Variants in PTPN5 observed in about 807,000 individuals in gnomAD.
PTPN5 encodes the protein protein tyrosine phosphatase non-receptor type 5, also known as tyrosine-protein phosphatase non-receptor type 5.
Under a neutral mutation model 73.9 loss-of-function variants are expected in PTPN5, and 29 were observed. That is an observed-to-expected ratio of 0.39 (90% CI 0.29 to 0.54). PTPN5 has a LOEUF of 0.54. Ranked by LOEUF, PTPN5 falls within the 20% of genes least tolerant of loss-of-function variation. The pLI, the probability that PTPN5 is intolerant of heterozygous loss-of-function variation, is 0.65. For synonymous variants in PTPN5, 267 were observed against 304.7 expected (o/e 0.88, Z 1.29); for missense variants, 652 against 751.4 (o/e 0.87, Z 1.55).
chr11:18,777,710 CCAAGG>C (rs1388986781), intron 1 of PTPN5, among the ~76,000 whole-genome samples: 1 of 152,066 alleles, frequency 6.6e-6, no homozygotes, highest in African/African-American at 2.4e-5. Flanking sequence ...TTTTAGGAGG[CCAAGG>C]CAAGAGGATC....
Position 18,729,985 on chromosome 11 carries a change from C to T in PTPN5, c.1330-167G>A. 2.2e-6 allele frequency: 2 copies of T among 894,512 alleles called. No homozygotes were observed. Among genetic ancestry groups the T allele is most frequent in the Non-Finnish European group, 1.7e-6 (1 of 572,798 alleles). The allele number at this position is 894,512 out of a possible 1,614,324, so 55.4% of individuals were successfully genotyped here. A position where few individuals can be genotyped will look rare whatever the true frequency, so the allele number is the denominator to read the frequency against. ...CCACATTGCCCAGTGGCACCAGACA[C>T]AGACCCAAAGCCAGCTTGGTTTTGG... On this transcript the variant is annotated intron_variant, in intron 12 of 14. Transcript: ENST00000358540. The surrounding 1 kb of genome is among the most constrained non-coding windows in gnomAD (Gnocchi z 5.2).
chr11:18,765,723 G>T, intron 3 of PTPN5, 84 bp downstream of exon 3: 1 of 909,376 alleles, frequency 1.1e-6, no homozygotes, highest in Non-Finnish European at 1.8e-6. Flanking sequence ...CAGCTAGCTA[G>T]GCTTTACTCC....
chr11:18,732,738 G>A, intron 11 of PTPN5, 36 bp from the exon 12 acceptor site: 1 of 1,553,810 alleles, frequency 6.4e-7, no homozygotes, highest in Non-Finnish European at 8.9e-7. Context: ...ATACAATCCT[G>A]TTCCCTTCCC....
Position 18,733,334 on chromosome 11 carries a change from C to T in PTPN5, c.1119G>A (p.Gln373=), listed in dbSNP as rs1196688031. 1 of 1,614,132 alleles carries T rather than the reference C, an allele frequency of 6.2e-7. No individual in the cohort carries two copies. The highest frequency in any genetic ancestry group is 8.5e-7 in the Non-Finnish European group (1 of 1,180,010). ...GGEEKVYIAT[Q]GPIVSTVADF... is the part of the protein sequence containing the mutation. ...CGGCGACCGTGCTGACGATGGGTCC[C>T]TGAGTGGCGATGTACACCTTCTCCT... Residue 373 remains glutamine, a synonymous_variant, in exon 11 of 15, where the codon CAG becomes CAA. Transcript: ENST00000358540. The surrounding 1 kb of genome is among the most constrained non-coding windows in gnomAD (Gnocchi z 4.3).
chr11:18,737,532 C>G (rs78426481), intron 9 of PTPN5, among the ~76,000 whole-genome samples: 4,550 of 152,278 alleles, frequency 0.03, 232 homozygotes, highest in African/African-American at 0.1. Context: ...CCTCTCTAAG[C>G]CTTAACTTCC....
rs58611404 is a variant in PTPN5, at chr11:18,781,323, C to CTTTTTTTTTTTTTTTTT, written c.-113-9253_-113-9252insAAAAAAAAAAAAAAAAA. Among the ~76,000 whole-genome samples, 39 of 114,420 alleles carry CTTTTTTTTTTTTTTTTT rather than the reference C, an allele frequency of 3.4e-4. 2 individuals carry two copies. The highest frequency in any genetic ancestry group is 9.3e-4 in the East Asian group (3 of 3,212). The allele number at this position is 114,420 out of a possible 152,430, so 75.1% of individuals were successfully genotyped here. ...AGATCAGACTGTCTTTTTTTGACCACTTTTTTTTTTTTTTGAGATGGAGTC... is the reference window on the plus strand; with the variant it reads ...AGATCAGACTGTCTTTTTTTGACCACTTTTTTTTTTTTTTTTTTTTTTTTTTTTTTTGAGATGGAGTC... On this transcript the variant is annotated intron_variant, in intron 1 of 14. Transcript: ENST00000358540.
At chr11:18,780,801 A>T (rs1851385005) in intron 1 of PTPN5, among the ~76,000 whole-genome samples, 1 of 152,174 alleles carries the variant, frequency 6.6e-6, no homozygotes, top group Non-Finnish European at 1.5e-5. Flanking sequence ...CACGACAGAA[A>T]GCCCAGTGCA....
chr11:18,732,733 A>G, intron 11 of PTPN5, 31 bp from the exon 12 acceptor site: 1 of 1,571,502 alleles, frequency 6.4e-7, no homozygotes, highest in Non-Finnish European at 8.7e-7. Flanking sequence ...CTGCCATACA[A>G]TCCTGTTCCC....
chr11:18,786,782 T>C (rs1413791098), intron 1 of PTPN5, among the ~76,000 whole-genome samples: 2 of 152,170 alleles, frequency 1.3e-5, no homozygotes, highest in African/African-American at 4.8e-5. Context: ...CACCTGTAGA[T>C]CCATTTCAAC....
At chr11:18,735,299 G>C (rs903107265) in intron 9 of PTPN5, among the ~76,000 whole-genome samples, 1 of 152,026 alleles carries the variant, frequency 6.6e-6, no homozygotes, top group Non-Finnish European at 1.5e-5. Flanking sequence ...AGGGGGTGTA[G>C]AGGGTGGCAG....
chr11:18,750,749 A>C (rs1369211540), intron 3 of PTPN5, among the ~76,000 whole-genome samples: 1 of 151,994 alleles, frequency 6.6e-6, no homozygotes, highest in Non-Finnish European at 1.5e-5. Context: ...AATAGTCACA[A>C]CTGTGCTGCA....
rs1850927212 is a variant in PTPN5 at position 18,772,036 on chromosome 11, T to C, written c.-78A>G. 3.4e-6 allele frequency: 4 copies of C among 1,168,820 alleles called. No individual in the cohort carries two copies. Among genetic ancestry groups the C allele is most frequent in the Non-Finnish European group, 3.6e-6 (3 of 824,918 alleles). 72.4% of individuals were successfully genotyped at this position (1,168,820 alleles called of 1,614,324 possible). ...CTCAGCAAAAAGCAAGCTGGTGATA[T>C]AAATGAAGGAGAGAGGGCAGCTTCA... On this transcript the variant is annotated 5_prime_UTR_variant, in exon 2 of 15. Coordinates refer to ENST00000358540, the MANE Select transcript of PTPN5 (RefSeq NM_006906.2).
intron 1 of PTPN5, among the ~76,000 whole-genome samples, chr11:18,773,292 G>A (rs898831359): frequency 2.6e-5 from 4 of 151,580 alleles, no homozygotes; most frequent in Non-Finnish European, 5.9e-5. Context: ...TGGAGCACCT[G>A]GGGGCGGGTG....
Position 18,743,376 on chromosome 11 carries a change from G to A in PTPN5, c.345C>T (p.Asn115=), listed in dbSNP as rs552726407. The part of the protein sequence containing the change: ...FSGYGHIWSQ[N]ATNLVSSLLT... Reference sequence around the variant, plus strand: ...GCAAAGAGGAGACGAGGTTTGTGGCGTTCTGTGACCAGATGTGGCCATAAC... The same window carrying A: ...GCAAAGAGGAGACGAGGTTTGTGGCATTCTGTGACCAGATGTGGCCATAAC... The change falls in exon 5 of 15, where the codon AAC becomes AAT. Residue 115 remains asparagine, a synonymous_variant. Transcript: ENST00000358540. 7.9e-5 allele frequency: 127 copies of A among 1,614,122 alleles called. No individual in the cohort carries two copies. The highest frequency in any genetic ancestry group is 9.5e-5 in the Non-Finnish European group (112 of 1,180,026).
Position 18,769,175 on chromosome 11 carries a change from G to A in PTPN5, c.20+2764C>T, listed in dbSNP as rs375183333. Among the ~76,000 whole-genome samples, 11 of 152,190 alleles carry A rather than the reference G, an allele frequency of 7.2e-5. No individual in the cohort carries two copies. The East Asian group carries it at 1.5e-3, about 21-fold the overall frequency. On this transcript the variant is annotated intron_variant, in intron 2 of 14. Coordinates refer to ENST00000358540, the MANE Select transcript of PTPN5 (RefSeq NM_006906.2). ...GTGCTGAGCACCTCCTGTGAGCAAG[G>A]CCTGGAGCTGCCCTAGGAATACAGT...
intron 2 of PTPN5, among the ~76,000 whole-genome samples, chr11:18,767,417 C>CT (rs1165296944): frequency 6.6e-6 from 1 of 152,226 alleles, no homozygotes; most frequent in Non-Finnish European, 1.5e-5. Context: ...TTCAAGGTAA[C>CT]TTTAAGTGCA....
chr11:18,781,741 G>A (rs1252623546), intron 1 of PTPN5, among the ~76,000 whole-genome samples: 1 of 152,104 alleles, frequency 6.6e-6, no homozygotes, highest in South Asian at 2.1e-4. Flanking sequence ...ACTGAGCCTT[G>A]GGGGACACAC....
chr11:18,739,621 C>T (rs920503078), intron 8 of PTPN5, among the ~76,000 whole-genome samples: 6 of 152,158 alleles, frequency 3.9e-5, no homozygotes, highest in Non-Finnish European at 7.4e-5. Flanking sequence ...GAGAGCTACC[C>T]GGTCCAGACA....
intron 2 of PTPN5, among the ~76,000 whole-genome samples, chr11:18,767,132 T>C (rs958296180): frequency 5.3e-5 from 8 of 152,180 alleles, no homozygotes; most frequent in African/African-American, 1.9e-4. Context: ...CTTGCTAGCA[T>C]ACTTTCAGGA....
Sources: gnomAD v4.1 joint callset for allele counts (sites outside exome capture counted in the v4.1 genomes callset) on GRCh38, gnomAD v4.1.1 for gene constraint, Gnocchi (gnomAD v3.1) non-coding constraint, MANE v1.5 for transcripts, NCBI Gene and HGNC (gene_info 2026-07-23, HGNC 2026-07-21) for gene names.